Variants in ADGRG1 observed in about 807,000 individuals in gnomAD.
The protein encoded by ADGRG1 is 7-transmembrane protein with no EGF-like N-terminal domains-1.
Under a neutral mutation model 73.5 loss-of-function variants are expected in ADGRG1, and 53 were observed. That is an observed-to-expected ratio of 0.72 (90% confidence interval 0.58 to 0.91). The LOEUF is 0.91. Among genes scored for constraint, ADGRG1 ranks in the 40% least tolerant of loss-of-function variants. ADGRG1 has a pLI of 0.00. For missense variants in ADGRG1, 795 were observed against 871.8 expected (o/e 0.91, Z 1.11); for synonymous variants, 394 against 374.4 (o/e 1.05, Z -0.60).
At chr16:57,647,140 G>C in intron 1 of ADGRG1, 1 of 985,488 alleles carries the variant, frequency 1.0e-6, no homozygotes, top group Non-Finnish European at 1.2e-6. Flanking sequence ...GGATGAAGGA[G>C]GGGCGCTAAG....
intron 10 of ADGRG1, 156 bp from the exon 11 acceptor site, chr16:57,659,257 T>C: frequency 6.7e-7 from 1 of 1,500,296 alleles, no homozygotes; most frequent in Non-Finnish European, 8.9e-7. Flanking sequence ...TGGGGAACAG[T>C]TTGGCTGCAG....
At chr16:57,623,653 C>A, upstream of ADGRG1, 1 of 261,486 alleles carries the variant, frequency 3.8e-6, no homozygotes, top group Non-Finnish European at 5.9e-6. Context: ...GGGGGATGGG[C>A]AGTGGGTGGG....
upstream of ADGRG1, chr16:57,625,680 C>A: frequency 1.0e-6 from 1 of 984,358 alleles, no homozygotes; most frequent in Non-Finnish European, 1.2e-6. Context: ...AGGTCTCAGG[C>A]TATCTGTAGG....
In ADGRG1 at chr16:57,636,823, G is replaced by A. The variant is rs1405443635; in HGVS notation, c.-36+8021G>A. On this transcript the variant is annotated intron_variant, in intron 1 of 13. Coordinates refer to ENST00000562631, the MANE Select transcript of ADGRG1 (RefSeq NM_201525.4). ...GCAAGACAGGTGAGACAGCAAAGCT[G>A]AGCAAGGGATAACAGGTAAGCAAAT... The A allele has an allele frequency of 1.2e-5, 5 of 407,976 alleles. No homozygotes were observed. In the East Asian group the frequency reaches 8.0e-4, roughly 66 times the overall value. The allele number at this position is 407,976 out of a possible 1,614,324, so 25.3% of individuals were successfully genotyped here. A position where few individuals can be genotyped will look rare whatever the true frequency, so the allele number is the denominator to read the frequency against.
Position 57,653,270 on chromosome 16 carries a change from G to A in ADGRG1, c.555G>A (p.Leu185=), listed in dbSNP as rs1242454874. The change falls in exon 4 of 14, where the codon CTG becomes CTA. Residue 185 remains leucine (L), a synonymous_variant. Transcript: ENST00000562631. ...DMCELKRDLQ[L]LSQFLKHPQK... ...GCGAGCTCAAAAGGGACCTCCAGCT[G>A]CTCAGCCAGTTCCTGAAGCATCCCC... 3 of 1,612,682 alleles carry A rather than the reference G, an allele frequency of 1.9e-6. No individual in the cohort carries two copies. Among genetic ancestry groups the A allele is most frequent in the East Asian group, 2.2e-5 (1 of 44,862 alleles).
Position 57,654,085 on chromosome 16 carries a change from C to G in ADGRG1, c.720C>G (p.Leu240=). 1 of 1,613,894 alleles carries G rather than the reference C, an allele frequency of 6.2e-7. No homozygotes were observed. Among genetic ancestry groups the G allele is most frequent in the Non-Finnish European group, 8.5e-7 (1 of 1,180,046 alleles). Residue 240 remains leucine (L), a synonymous_variant, in exon 5 of 14, where the codon CTC becomes CTG. Coordinates refer to ENST00000562631, the MANE Select transcript of ADGRG1 (RefSeq NM_201525.4). ...EDRINATVWK[L]QPTAGLQDLH... is the part of the protein sequence containing the mutation. Reference sequence around the variant, plus strand: ...GGATCAACGCCACGGTGTGGAAGCTCCAGCCCACAGCCGGCCTCCAGGACC... The same window carrying G: ...GGATCAACGCCACGGTGTGGAAGCTGCAGCCCACAGCCGGCCTCCAGGACC...
At chr16:57,647,384 G>C in intron 1 of ADGRG1, 1 of 982,436 alleles carries the variant, frequency 1.0e-6, no homozygotes, top group Non-Finnish European at 1.2e-6. Context: ...AAACAGGGAG[G>C]AGGGGCCTGT....
At chr16:57,645,044 T>A (rs192325247) in intron 1 of ADGRG1, 2 of 979,594 alleles carry the variant, frequency 2.0e-6, no homozygotes, top group Admixed American at 1.2e-4. Flanking sequence ...CTCATGCACA[T>A]ACACACACTC....
chr16:57,662,385 C>T (rs1330669343), intron 13 of ADGRG1, among the ~76,000 whole-genome samples: 2 of 150,418 alleles, frequency 1.3e-5, no homozygotes, highest in African/African-American at 4.9e-5. Context: ...CGTGTGAAGA[C>T]AAGAGAAGGA....
chr16:57,653,180 G>A (rs1258344163), intron 3 of ADGRG1, 23 bp from the exon 4 acceptor site: 1 of 1,604,606 alleles, frequency 6.2e-7, no homozygotes, highest in Non-Finnish European at 8.5e-7. Context: ...GCCTCGGCGG[G>A]GGCCTGTCCA....
chr16:57,653,623 C>A (rs1284871685), intron 4 of ADGRG1: 2 of 970,206 alleles, frequency 2.1e-6, no homozygotes, highest in Non-Finnish European at 2.5e-6. Context: ...GGCTCAGAGA[C>A]GGCAGAGCCG....
intron 1 of ADGRG1, among the ~76,000 whole-genome samples, chr16:57,649,525 A>T (rs2043496439): frequency 1.3e-5 from 2 of 152,000 alleles, no homozygotes; most frequent in South Asian, 4.1e-4. Context: ...CTCAGGAATG[A>T]TGATAGGGAG....
chr16:57,651,508 CAGG>C lies in ADGRG1; in HGVS notation c.379_381del (p.Glu127del), dbSNP rs766762486. 1.2e-6 allele frequency: 2 copies of C among 1,614,224 alleles called. No individual in the cohort carries two copies. The highest frequency in any genetic ancestry group is 2.2e-5 in the South Asian group (2 of 91,088). On this transcript the variant is annotated inframe_deletion, in exon 3 of 14. Transcript: ENST00000562631. ...CTCTAGCCTCCTCTGCTTCCAGCAC[CAGG>C]AGGAGAGCCTGGCTCAGGGCCCCCC...
chr16:57,635,295 C>T, intron 1 of ADGRG1: 1 of 985,320 alleles, frequency 1.0e-6, no homozygotes, highest in Non-Finnish European at 1.2e-6. Flanking sequence ...CCATGGCTGT[C>T]CTGGCCACAC....
chr16:57,626,335 C>T (rs1262810806), upstream of ADGRG1, among the ~76,000 whole-genome samples: 2 of 152,210 alleles, frequency 1.3e-5, no homozygotes, highest in Non-Finnish European at 2.9e-5. Context: ...GTCCTGTTAT[C>T]AGCACTCATA....
chr16:57,623,381 C>G (rs913119851), upstream of ADGRG1, among the ~76,000 whole-genome samples: 3 of 152,192 alleles, frequency 2.0e-5, no homozygotes, highest in African/African-American at 4.8e-5. Context: ...GGGCACCTGC[C>G]GAGGCTCCAC....
chr16:57,651,761 GTGT>G (rs2044153672), intron 3 of ADGRG1, 139 bp downstream of exon 3: 9 of 1,512,290 alleles, frequency 6.0e-6, no homozygotes, highest in Non-Finnish European at 8.0e-6. Context: ...GCCAGTGAAG[GTGT>G]CTGAGGAGGG....
upstream of ADGRG1, chr16:57,627,669 C>T (rs1423590742): frequency 2.5e-6 from 1 of 398,322 alleles, no homozygotes; most frequent in African/African-American, 2.2e-5. Flanking sequence ...CACCACTCAC[C>T]CTTCTGGCAT....
chr16:57,656,154 C>G, intron 7 of ADGRG1, 72 bp from the exon 8 acceptor site: 2 of 1,613,794 alleles, frequency 1.2e-6, no homozygotes, highest in Non-Finnish European at 8.5e-7. Context: ...TCTAGACTTC[C>G]TCTGCCTGGC....
Sources: allele counts gnomAD v4.1 joint callset (sites outside exome capture counted in the v4.1 genomes callset), GRCh38; gene constraint gnomAD v4.1.1; transcripts MANE v1.5; gene names NCBI Gene and HGNC (gene_info 2026-07-23, HGNC 2026-07-21).